The following NCOA3 variants were observed in gnomAD, a reference collection of about 807,000 sequenced individuals.
NCOA3 encodes nuclear receptor coactivator 3.
A neutral mutation model predicts 158.8 loss-of-function variants in NCOA3; 51 were observed. That is an observed-to-expected ratio of 0.32 (90% CI 0.26 to 0.41). The LOEUF (loss-of-function observed/expected upper bound fraction) is 0.41. Ranked by LOEUF, NCOA3 falls within the 10% of genes least tolerant of loss-of-function variation. The pLI, the probability that NCOA3 is intolerant of heterozygous loss-of-function variation, is 1.00. For synonymous variants in NCOA3, 537 were observed against 592.4 expected, an observed-to-expected ratio of 0.91 and a Z score of 1.36; for missense variants, 1,510 against 1,746.6, an observed-to-expected ratio of 0.86 and a Z score of 2.41.
intron 8 of NCOA3, among the ~76,000 whole-genome samples, chr20:47,631,997 GTT>G (rs2086426100): frequency 6.6e-6 from 1 of 152,164 alleles, no homozygotes; most frequent in African/African-American, 2.4e-5. Context: ...AGTTTGGACA[GTT>G]TCTACCTGGG....
intron 2 of NCOA3, among the ~76,000 whole-genome samples, chr20:47,606,742 T>A (rs956181113): frequency 8.5e-5 from 13 of 152,356 alleles, no homozygotes; most frequent in Admixed American, 4.6e-4. Flanking sequence ...CCATTTTTAC[T>A]TGGATGAGTG....
At chr20:47,508,547 A>G (rs2084064530) in intron 1 of NCOA3, among the ~76,000 whole-genome samples, 1 of 152,246 alleles carries the variant, frequency 6.6e-6, no homozygotes, top group Non-Finnish European at 1.5e-5. Context: ...TTTTAACAAA[A>G]AAGGGGGCAC....
intron 1 of NCOA3, among the ~76,000 whole-genome samples, chr20:47,512,151 GA>G (rs201066256): frequency 2.7e-5 from 4 of 147,708 alleles, no homozygotes; most frequent in South Asian, 2.1e-4. Context: ...CCCATCCTAT[GA>G]AAAAAAAATA....
intron 18 of NCOA3, among the ~76,000 whole-genome samples, chr20:47,647,909 G>GTTTTTTTTTTTT (rs1199919209): frequency 3.1e-5 from 4 of 128,090 alleles, no homozygotes; most frequent in African/African-American, 8.7e-5. Flanking sequence ...TTGTTTGTTT[G>GTTTTTTTTTTTT]TTTTGTTTTG....
chr20:47,652,439 G>C lies in NCOA3; in HGVS notation c.3980G>C (p.Arg1327Pro), dbSNP rs137975729. The C allele has an allele frequency of 4.3e-6, 7 of 1,609,448 alleles. No individual in the cohort carries two copies. The Admixed American group carries it at 8.3e-5, about 19-fold the overall frequency. The stretch of plus-strand genomic sequence containing the variant: ...CAACAACCAGATCCAGCCTTTGGTC[G>C]AGTGTCTAGTCCTCCCAATGCAATG... ...MGQQPDPAFG[R>P]VSSPPNAMMS... The change falls in exon 21 of 23, where the codon CGA becomes CCA. Residue 1327 changes from arginine to proline, a missense_variant. Physicochemically the swap from Arg to Pro is moderately radical, Grantham distance 103. Coordinates refer to ENST00000371998, the MANE Select transcript of NCOA3 (RefSeq NM_181659.3).
At chr20:47,546,927 C>A (rs1008549028) in intron 1 of NCOA3, among the ~76,000 whole-genome samples, 2 of 152,080 alleles carry the variant, frequency 1.3e-5, no homozygotes, top group African/African-American at 4.8e-5. Context: ...CACATTCTTG[C>A]CTTTGGGTAT....
chr20:47,622,260 G>A lies in NCOA3; in HGVS notation c.13G>A (p.Gly5Arg), dbSNP rs771433309. ...ATGTATATTCAAGATGAGTGGATTA[G>A]GAGAAAACTTGGATCCACTGGCCAG... MSGL[G>R]ENLDPLASDS... Residue 5 changes from glycine (G) to arginine (R), a missense_variant, in exon 3 of 23, where the codon GGA becomes AGA. By Grantham distance (125) the Gly-to-Arg change is moderately radical. This residue lies in a region of NCOA3 where 309 missense variants were observed against 427.1 expected (regional missense o/e 0.72). Transcript: ENST00000371998. The A allele has an allele frequency of 1.2e-6, 2 of 1,604,142 alleles. No homozygotes were observed. The highest frequency in any genetic ancestry group is 1.7e-6 in the Non-Finnish European group (2 of 1,175,096).
At chr20:47,570,937 T>TACACACACACACAC (rs201885909) in intron 1 of NCOA3, among the ~76,000 whole-genome samples, 3 of 111,658 alleles carry the variant, frequency 2.7e-5, no homozygotes, top group Admixed American at 8.4e-5. Context: ...CAGTAATATA[T>TACACACACACACAC]ATACACACAC....
chr20:47,648,891 C>A lies in NCOA3; in HGVS notation c.3547-114C>A, dbSNP rs72645295. ...CTGGTTCAGTTTAGACGTGACTTAG[C>A]CAGGTTATTGTGTTTGGAGATATTA... is the stretch of plus-strand genomic sequence containing the variant. On this transcript the variant is annotated intron_variant, in intron 18 of 22. Transcript: ENST00000371998. 28 of 627,950 alleles carry A rather than the reference C, an allele frequency of 4.5e-5. No homozygotes were observed. In the African/African-American group the frequency reaches 4.8e-4, roughly 11 times the overall value. 38.9% of individuals were successfully genotyped at this position (627,950 alleles called of 1,614,324 possible).
At chr20:47,647,909 G>GTTTTT (rs1199919209) in intron 18 of NCOA3, among the ~76,000 whole-genome samples, 1 of 128,092 alleles carries the variant, frequency 7.8e-6, no homozygotes, top group African/African-American at 2.9e-5. Flanking sequence ...TTGTTTGTTT[G>GTTTTT]TTTTGTTTTG....
chr20:47,653,614 C>A lies in NCOA3; in HGVS notation c.*197C>A. Reference sequence around the variant, plus strand: ...AAGGGCAATATCTACGTGTTTTTCCCCCCTCCTTCTGCTGTGTATCATGGT... The same window carrying A: ...AAGGGCAATATCTACGTGTTTTTCCACCCTCCTTCTGCTGTGTATCATGGT... On this transcript the variant is annotated 3_prime_UTR_variant, in exon 23 of 23. Coordinates refer to ENST00000371998, the MANE Select transcript of NCOA3 (RefSeq NM_181659.3). The A allele has an allele frequency of 1.5e-6, 1 of 657,284 alleles. No homozygotes were observed. 40.7% of individuals were successfully genotyped at this position (657,284 alleles called of 1,614,324 possible).
rs953553092 is a variant in NCOA3 at position 47,602,058 on chromosome 20, A to G, written c.-20+18797A>G. On this transcript the variant is annotated intron_variant, in intron 2 of 22. Coordinates refer to ENST00000371998, the MANE Select transcript of NCOA3 (RefSeq NM_181659.3). ...TAAGTGTAAATCTTTAATGAGCTCAATATATTAAACTTATATGAGTACACA... is the reference window on the plus strand; with the variant it reads ...TAAGTGTAAATCTTTAATGAGCTCAGTATATTAAACTTATATGAGTACACA... Among the ~76,000 whole-genome samples, 7 of 152,352 alleles carry G rather than the reference A, an allele frequency of 4.6e-5. No individual in the cohort carries two copies. In the East Asian group the frequency reaches 1.3e-3, roughly 29 times the overall value.
intron 16 of NCOA3, 123 bp from the exon 17 acceptor site, chr20:47,642,090 T>C: frequency 1.3e-6 from 1 of 758,790 alleles, no homozygotes; most frequent in Non-Finnish European, 2.0e-6. Context: ...CCACTTGGTT[T>C]ATTATTTGTG....
At chr20:47,615,081 C>T (rs1469546809) in intron 2 of NCOA3, among the ~76,000 whole-genome samples, 2 of 152,126 alleles carry the variant, frequency 1.3e-5, no homozygotes, top group African/African-American at 4.8e-5. Context: ...CCAGCTCTGC[C>T]ATCCAGAATC....
At chr20:47,536,039 C>G (rs1225992093) in intron 1 of NCOA3, among the ~76,000 whole-genome samples, 1 of 152,080 alleles carries the variant, frequency 6.6e-6, no homozygotes, top group Admixed American at 6.6e-5. Context: ...GATGTCCAGC[C>G]GCTTGTGTGT....
At chr20:47,516,612 AAAAC>A (rs2084237799) in intron 1 of NCOA3, among the ~76,000 whole-genome samples, 1 of 152,138 alleles carries the variant, frequency 6.6e-6, no homozygotes, top group African/African-American at 2.4e-5. Flanking sequence ...TAGACAATAA[AAAAC>A]AAAGGTTCCA....
rs1348430394 is a variant in NCOA3, at chr20:47,635,959, G to A, written c.1573G>A (p.Ala525Thr). 3 of 1,613,934 alleles carry A rather than the reference G, an allele frequency of 1.9e-6. No individual in the cohort carries two copies. In the Admixed American group the frequency reaches 5.0e-5, roughly 27 times the overall value. Residue 525 changes from alanine (A) to threonine (T), a missense_variant, in exon 12 of 23, where the codon GCC becomes ACC. By Grantham distance (58) the Ala-to-Thr change is moderately conservative. Transcript: ENST00000371998. Reference sequence around the variant, plus strand: ...CAGCTTTTCCAGCAGCTCTCTCAGTGCCCTGCAAGCCATCAGTGAAGGTGT... The same window carrying A: ...CAGCTTTTCCAGCAGCTCTCTCAGTACCCTGCAAGCCATCAGTGAAGGTGT... ...NHSFSSSSLSALQAISEGVGT... is the reference protein window; with the variant it reads ...NHSFSSSSLSTLQAISEGVGT...
intron 1 of NCOA3, among the ~76,000 whole-genome samples, chr20:47,507,625 G>T (rs1032595830): frequency 1.3e-5 from 2 of 152,028 alleles, no homozygotes; most frequent in African/African-American, 4.8e-5. Context: ...TGTTGTTGTT[G>T]TTGTTGTTTT....
chr20:47,652,308 C>T (rs2086808504), intron 20 of NCOA3, 98 bp from the exon 21 acceptor site: 2 of 999,930 alleles, frequency 2.0e-6, no homozygotes, highest in South Asian at 1.7e-5. Flanking sequence ...CCTCCACCCC[C>T]ACCTCCTTTA....
Sources: allele counts gnomAD v4.1 joint callset (sites outside exome capture counted in the v4.1 genomes callset), GRCh38; gene constraint gnomAD v4.1.1; regional missense constraint gnomAD v4.1.1; transcripts MANE v1.5; gene names NCBI Gene and HGNC (gene_info 2026-07-23, HGNC 2026-07-21).